Variants in TENM3 observed in about 807,000 individuals in gnomAD.
The protein encoded by TENM3 is teneurin-3.
Under a neutral mutation model 255.1 loss-of-function variants are expected in TENM3, and 63 were observed. That is an observed-to-expected ratio of 0.25 (90% CI 0.20 to 0.30). The LOEUF (loss-of-function observed/expected upper bound fraction) is 0.30. Among genes scored for constraint, TENM3 ranks in the 10% least tolerant of loss-of-function variants. The pLI is 1.00. For synonymous variants in TENM3, 1,306 were observed against 1,322.3 expected (o/e 0.99, Z 0.27); for missense variants, 2,929 against 3,461.1 (o/e 0.85, Z 3.86).
intron 5 of TENM3, among the ~76,000 whole-genome samples, chr4:182,643,762 T>G (rs1236748012): frequency 6.6e-6 from 1 of 152,206 alleles, no homozygotes; most frequent in East Asian, 1.9e-4. Flanking sequence ...TAATGAATCT[T>G]TCTCAGAAAG....
upstream of TENM3, among the ~76,000 whole-genome samples, chr4:182,240,007 AC>A (rs1226718408): frequency 6.6e-6 from 1 of 152,224 alleles, no homozygotes; most frequent in African/African-American, 2.4e-5. Flanking sequence ...TGGGAAAAAA[AC>A]AATACTGTAA....
chr4:181,764,276 G>C, the TENM3 span, among the ~76,000 whole-genome samples: 210 of 152,192 alleles, frequency 1.4e-3, no homozygotes, highest in Non-Finnish European at 2.6e-3. Flanking sequence ...GTTGTTGCAT[G>C]GTTGGCAAAC....
At position 182,773,285 on chromosome 4, in the gene TENM3, T is replaced by A. The variant is rs181590918; in HGVS notation, c.4893-187T>A. 8.5e-5 allele frequency among the ~76,000 whole-genome samples: 13 copies of A among 152,106 alleles called. No homozygotes were observed. The East Asian group carries it at 2.5e-3, about 29-fold the overall frequency. The stretch of plus-strand genomic sequence containing the variant: ...TTTACTCGTGTTCTCACCGGTGAGG[T>A]TTTTCTATGTTAAACGGGTTTTTGA... On this transcript the variant is annotated intron_variant, in intron 22 of 27. Coordinates refer to ENST00000511685, the MANE Select transcript of TENM3 (RefSeq NM_001080477.4).
In TENM3 at chr4:182,754,236, G is replaced by T; in HGVS notation, c.4018-149G>T. ...ATCTATCTTCATTCATTACTTTTTG[G>T]TTTATTTTACTGAGGCTATTGAAAA... On this transcript the variant is annotated intron_variant, in intron 21 of 27. Coordinates refer to ENST00000511685, the MANE Select transcript of TENM3 (RefSeq NM_001080477.4). This position sits in a 1 kb window ranked among gnomAD's most constrained non-coding sequence, Gnocchi z 5.1. 3.9e-6 allele frequency: 3 copies of T among 774,710 alleles called. No individual in the cohort carries two copies. Among genetic ancestry groups the T allele is most frequent in the South Asian group, 2.1e-5 (1 of 48,604 alleles). 48.0% of individuals were successfully genotyped at this position (774,710 alleles called of 1,614,324 possible).
rs1445831080 is a variant in TENM3 at position 182,161,628 on chromosome 4, AAT to A, written c.-76+16883_-76+16884del. ...ATATATATATGTATATATATATACAAATATATATATGTATATATATATATACA... is the reference window on the plus strand; with the variant it reads ...ATATATATATGTATATATATATACAAATATATATGTATATATATATATACA... On this transcript the variant is annotated intron_variant, in intron 1 of 2. Coordinates refer to the TENM3 transcript ENST00000512480. Among the ~76,000 whole-genome samples the A allele has an allele frequency of 2.0e-3, 172 of 84,138 alleles. 7 individuals carry two copies. Among genetic ancestry groups the A allele is most frequent in the African/African-American group, 6.0e-3 (133 of 22,002 alleles). The allele number at this position is 84,138 out of a possible 152,430, so 55.2% of individuals were successfully genotyped here.
At chr4:182,248,758 C>T (rs888503194) in intron 1 of TENM3, among the ~76,000 whole-genome samples, 2 of 152,168 alleles carry the variant, frequency 1.3e-5, no homozygotes, top group African/African-American at 2.4e-5. Context: ...GCCTGGGATA[C>T]CACAGTAAAC....
At chr4:181,622,388 T>C in the TENM3 span, among the ~76,000 whole-genome samples, 1 of 152,090 alleles carries the variant, frequency 6.6e-6, no homozygotes, top group Non-Finnish European at 1.5e-5. Flanking sequence ...ATAAATACTA[T>C]AACTAGGCCA....
At chr4:182,085,317 T>C in the TENM3 span, among the ~76,000 whole-genome samples, 42,773 of 152,006 alleles carry the variant, frequency 0.28, 6,643 homozygotes, top group African/African-American at 0.42. Context: ...CTTTCTCTAA[T>C]TGGGCTTCCT....
intron 19 of TENM3, among the ~76,000 whole-genome samples, chr4:182,745,904 A>G (rs2152740253): frequency 6.6e-6 from 1 of 152,028 alleles, no homozygotes; most frequent in South Asian, 2.1e-4. Flanking sequence ...TGGCAGTGAT[A>G]CTATTGTAAT....
chr4:181,688,101 C>T, the TENM3 span, among the ~76,000 whole-genome samples: 2 of 152,098 alleles, frequency 1.3e-5, no homozygotes, highest in Non-Finnish European at 2.9e-5. Context: ...TCTCTATACT[C>T]TATTTCTAGA....
the TENM3 span, among the ~76,000 whole-genome samples, chr4:181,768,198 G>A: frequency 1.3e-5 from 2 of 152,142 alleles, no homozygotes; most frequent in African/African-American, 2.4e-5. Flanking sequence ...TCAATAAGGG[G>A]CAATTTTGTG....
intron 1 of TENM3, among the ~76,000 whole-genome samples, chr4:182,232,588 G>C (rs565324102): frequency 9.5e-4 from 145 of 152,192 alleles, no homozygotes; most frequent in African/African-American, 3.4e-3. Flanking sequence ...GCTGGGTGTG[G>C]TGGGAGGCTG....
chr4:182,547,951 C>T (rs1385591789), intron 3 of TENM3, among the ~76,000 whole-genome samples: 40 of 152,064 alleles, frequency 2.6e-4, no homozygotes. Context: ...GGCACGATGG[C>T]TCGTGCCTCG....
At chr4:181,937,220 A>G in the TENM3 span, among the ~76,000 whole-genome samples, 2 of 152,228 alleles carry the variant, frequency 1.3e-5, no homozygotes, top group Non-Finnish European at 1.5e-5. Context: ...CAAAGCTGTC[A>G]GTAGAGGAGG....
At chr4:181,962,686 C>A in the TENM3 span, among the ~76,000 whole-genome samples, 1 of 152,182 alleles carries the variant, frequency 6.6e-6, no homozygotes, top group Non-Finnish European at 1.5e-5. Flanking sequence ...TAACTACTTT[C>A]TTTTTGCCTC....
chr4:182,008,568 T>C, the TENM3 span, among the ~76,000 whole-genome samples: 5 of 151,984 alleles, frequency 3.3e-5, no homozygotes, highest in African/African-American at 9.7e-5. Context: ...TCTCGTGCTA[T>C]GTTTTTCAGC....
chr4:181,470,108 T>TAAAAAA, the TENM3 span, among the ~76,000 whole-genome samples: 171 of 112,694 alleles, frequency 1.5e-3, no homozygotes, highest in African/African-American at 4.5e-3. Flanking sequence ...ATAGCTTCTG[T>TAAAAAA]AAAAAAAAAA....
intron 1 of TENM3, among the ~76,000 whole-genome samples, chr4:182,215,932 A>G (rs1273492895): frequency 6.6e-6 from 1 of 152,194 alleles, no homozygotes; most frequent in Non-Finnish European, 1.5e-5. Context: ...ATGAAAACCT[A>G]ATTTTGAATG....
At chr4:182,759,937 G>A (rs1446078154) in intron 22 of TENM3, among the ~76,000 whole-genome samples, 3 of 152,172 alleles carry the variant, frequency 2.0e-5, no homozygotes, top group Non-Finnish European at 4.4e-5. Flanking sequence ...ATTTAGACAT[G>A]CTACTGGATG....
Sources: allele counts gnomAD v4.1 joint callset (sites outside exome capture counted in the v4.1 genomes callset), GRCh38; gene constraint gnomAD v4.1.1; non-coding constraint Gnocchi (gnomAD v3.1); transcripts MANE v1.5; gene names NCBI Gene and HGNC (gene_info 2026-07-23, HGNC 2026-07-21).